Variants in MACROD2 observed in about 807,000 individuals in gnomAD.
MACROD2 encodes the protein ADP-ribose glycohydrolase MACROD2.
Under a neutral mutation model 70.4 loss-of-function variants are expected in MACROD2, and 36 were observed. The observed-to-expected ratio is 0.51, with a 90% CI of 0.39 to 0.68. The LOEUF (loss-of-function observed/expected upper bound fraction) is 0.68, where lower values mean the gene tolerates loss of function less well. Among genes scored for constraint, MACROD2 ranks in the 30% least tolerant of loss-of-function variants. The pLI is 0.00. For missense variants in MACROD2, 496 were observed against 538.4 expected, an observed-to-expected ratio of 0.92 and a Z score of 0.78; for synonymous variants, 172 against 178.8, an observed-to-expected ratio of 0.96 and a Z score of 0.30.
At chr20:15,041,983 A>G (rs530881520) in intron 5 of MACROD2, among the ~76,000 whole-genome samples, 1 of 152,318 alleles carries the variant, frequency 6.6e-6, no homozygotes, top group South Asian at 2.1e-4. Flanking sequence ...GCAGGATTGG[A>G]GGAAGCTGGA....
intron 5 of MACROD2, among the ~76,000 whole-genome samples, chr20:15,055,100 C>T (rs1349811371): frequency 6.6e-6 from 1 of 152,102 alleles, no homozygotes; most frequent in Non-Finnish European, 1.5e-5. Context: ...CAGGCGCCTT[C>T]CACCACACCC....
chr20:14,166,770 G>A (rs1601302431), intron 3 of MACROD2, among the ~76,000 whole-genome samples: 1 of 151,434 alleles, frequency 6.6e-6, no homozygotes, highest in East Asian at 1.9e-4. Flanking sequence ...CCTTCTCATT[G>A]TTCCTCTCCC....
chr20:14,944,975 T>C (rs1178835883), intron 5 of MACROD2, among the ~76,000 whole-genome samples: 1 of 152,176 alleles, frequency 6.6e-6, no homozygotes, highest in Non-Finnish European at 1.5e-5. Context: ...CTGGTGTCTC[T>C]TCAAGTGACT....
chr20:14,444,484 C>A (rs1441162242), intron 3 of MACROD2, among the ~76,000 whole-genome samples: 1 of 151,996 alleles, frequency 6.6e-6, no homozygotes, highest in African/African-American at 2.4e-5. Flanking sequence ...ATCTGCCCAG[C>A]CTCTTAATAT....
At chr20:15,522,078 G>A (rs2047660517) in intron 8 of MACROD2, among the ~76,000 whole-genome samples, 1 of 152,168 alleles carries the variant, frequency 6.6e-6, no homozygotes, top group African/African-American at 2.4e-5. Flanking sequence ...TAATTCACAA[G>A]GCTGGTGATA....
intron 8 of MACROD2, among the ~76,000 whole-genome samples, chr20:15,824,856 G>T (rs10485542): frequency 6.6e-6 from 1 of 152,066 alleles, no homozygotes; most frequent in Non-Finnish European, 1.5e-5. Flanking sequence ...TGGAATAGAC[G>T]CTCATTAATG....
At chr20:15,799,407 A>G (rs2147069060) in intron 8 of MACROD2, among the ~76,000 whole-genome samples, 1 of 152,228 alleles carries the variant, frequency 6.6e-6, no homozygotes, top group South Asian at 2.1e-4. Context: ...TAATTCTCTA[A>G]TATGTTTGTA....
intron 5 of MACROD2, among the ~76,000 whole-genome samples, chr20:15,203,226 TAAC>T (rs2076672462): frequency 6.6e-6 from 1 of 152,168 alleles, no homozygotes; most frequent in South Asian, 2.1e-4. Context: ...GTATAATTTT[TAAC>T]AACAAAGTAA....
At chr20:14,197,807 G>A (rs552811460) in intron 3 of MACROD2, among the ~76,000 whole-genome samples, 1 of 152,170 alleles carries the variant, frequency 6.6e-6, no homozygotes, top group South Asian at 2.1e-4. Context: ...TCTTAACAGA[G>A]AAGTAGGAAG....
At chr20:15,063,425 G>T (rs1329382342) in intron 5 of MACROD2, among the ~76,000 whole-genome samples, 1 of 152,162 alleles carries the variant, frequency 6.6e-6, no homozygotes, top group Non-Finnish European at 1.5e-5. Context: ...GCAACCACAT[G>T]CAGATAGCAC....
intron 5 of MACROD2, among the ~76,000 whole-genome samples, chr20:14,896,415 T>C (rs765394205): frequency 6.6e-6 from 1 of 152,188 alleles, no homozygotes; most frequent in Admixed American, 6.5e-5. Context: ...TTAAAAAAAA[T>C]GTTAGAATTC....
chr20:15,171,191 A>G (rs898111116), intron 5 of MACROD2, among the ~76,000 whole-genome samples: 1 of 151,958 alleles, frequency 6.6e-6, no homozygotes, highest in Non-Finnish European at 1.5e-5. Flanking sequence ...GGCCTATTTC[A>G]TCATCATGGT....
At chr20:15,878,316 G>T (rs2064704711) in intron 9 of MACROD2, among the ~76,000 whole-genome samples, 1 of 152,110 alleles carries the variant, frequency 6.6e-6, no homozygotes, top group Admixed American at 6.6e-5. Context: ...TCTTTTGAAA[G>T]GTTCTTCTTC....
intron 10 of MACROD2, among the ~76,000 whole-genome samples, chr20:15,922,534 G>C (rs1303350036): frequency 6.6e-6 from 1 of 152,196 alleles, no homozygotes; most frequent in Non-Finnish European, 1.5e-5. Context: ...TGTGTGGCTA[G>C]TGGCTATCAC....
intron 5 of MACROD2, among the ~76,000 whole-genome samples, chr20:15,096,484 A>G (rs1041417658): frequency 6.7e-6 from 1 of 148,162 alleles, no homozygotes; most frequent in Non-Finnish European, 1.5e-5. Flanking sequence ...ATTTATATAT[A>G]TAAATATATA....
chr20:14,143,408 A>T (rs2054902529), intron 3 of MACROD2, among the ~76,000 whole-genome samples: 1 of 152,160 alleles, frequency 6.6e-6, no homozygotes, highest in African/African-American at 2.4e-5. Context: ...TAGCCTTCAC[A>T]TGCTTGATAA....
chr20:15,962,762 G>A (rs938721454), intron 12 of MACROD2, among the ~76,000 whole-genome samples: 2 of 152,098 alleles, frequency 1.3e-5, no homozygotes, highest in South Asian at 2.1e-4. Context: ...TAATGAGACC[G>A]TAATGAAGAC....
intron 5 of MACROD2, among the ~76,000 whole-genome samples, chr20:15,099,356 G>A (rs1415975737): frequency 6.6e-6 from 1 of 152,060 alleles, no homozygotes; most frequent in Non-Finnish European, 1.5e-5. Flanking sequence ...CTTAGAAGAA[G>A]TGCCCTTATA....
chr20:15,728,370 G>T (rs543444542), intron 8 of MACROD2, among the ~76,000 whole-genome samples: 1 of 152,156 alleles, frequency 6.6e-6, no homozygotes, highest in South Asian at 2.1e-4. Context: ...TTCTTTTTCA[G>T]TTGTGTCTCT....
Sources: gnomAD v4.1 joint callset for allele counts (sites outside exome capture counted in the v4.1 genomes callset) on GRCh38, gnomAD v4.1.1 for gene constraint, MANE v1.5 for transcripts, NCBI Gene and HGNC (gene_info 2026-07-23, HGNC 2026-07-21) for gene names.